Variants in ST8SIA1 observed in about 807,000 individuals in gnomAD.
ST8SIA1 encodes ST8 alpha-N-acetyl-neuraminide alpha-2,8-sialyltransferase 1.
In ST8SIA1, 16 loss-of-function variants were observed where a neutral mutation model predicts 35.9. The ratio of observed to expected loss-of-function variants is 0.45; its 90% confidence interval spans 0.30 to 0.68. The LOEUF (loss-of-function observed/expected upper bound fraction) is 0.68, where lower values mean the gene tolerates loss of function less well. Ranked by LOEUF, ST8SIA1 falls within the 30% of genes least tolerant of loss-of-function variation. ST8SIA1 has a pLI of 0.09. For missense variants in ST8SIA1, 383 were observed against 453.6 expected (o/e 0.84, Z 1.41); for synonymous variants, 170 against 169.6 (o/e 1.00, Z -0.02).
chr12:22,327,669 G>A (rs1866699401), intron 1 of ST8SIA1, among the ~76,000 whole-genome samples: 1 of 152,122 alleles, frequency 6.6e-6, no homozygotes, highest in East Asian at 1.9e-4. Context: ...GGATTAAGGG[G>A]AACATTAGTG....
At position 22,207,948 on chromosome 12, in the gene ST8SIA1, G is replaced by C. The variant is rs1452805964; in HGVS notation, c.585-5910C>G. Among the ~76,000 whole-genome samples the C allele has an allele frequency of 2.6e-5, 4 of 151,960 alleles. No homozygotes were observed. In the East Asian group the frequency reaches 7.7e-4, roughly 29 times the overall value. The stretch of plus-strand genomic sequence containing the variant: ...TCACGAGGTCAGGAGTTCGAGACCA[G>C]CCTGGCCAATATAGCGAAACCCCAT... On this transcript the variant is annotated intron_variant, in intron 4 of 4. Transcript: ENST00000396037.
chr12:22,299,305 C>T (rs974442463), intron 1 of ST8SIA1, among the ~76,000 whole-genome samples: 1 of 151,190 alleles, frequency 6.6e-6, no homozygotes, highest in Non-Finnish European at 1.5e-5. Flanking sequence ...GTAAAAAGAA[C>T]CAGGAAATAA....
rs147437761 is a variant in ST8SIA1, at chr12:22,223,839, C to T, written c.585-21801G>A. The T allele has an allele frequency of 5.5e-4, 636 of 1,155,744 alleles. 4 individuals are homozygous for T. The African/African-American group carries it at 9.8e-3, about 18-fold the overall frequency. The allele number at this position is 1,155,744 out of a possible 1,614,324, so 71.6% of individuals were successfully genotyped here. On this transcript the variant is annotated intron_variant, in intron 4 of 4. Transcript: ENST00000396037. ...ATTATATTCCCTGCAATATCCTTAA[C>T]AATAGAATGTTTCTAATTGTGCAAA...
intron 1 of ST8SIA1, chr12:22,324,510 A>G (rs1409784912): frequency 1.3e-5 from 2 of 152,206 alleles, no homozygotes; most frequent in East Asian, 3.8e-4. Flanking sequence ...GAGATGATGT[A>G]GACTGCATAT....
Position 22,334,294 on chromosome 12 carries a change from A to C in ST8SIA1, c.-62T>G. On this transcript the variant is annotated 5_prime_UTR_variant, in exon 1 of 5. Transcript: ENST00000396037. ...TCAGCACAAAGCTAGGCGAAGTGGCAGCGGAGGGTCCCCCACCGCCAGCCC... is the reference window on the plus strand; with the variant it reads ...TCAGCACAAAGCTAGGCGAAGTGGCCGCGGAGGGTCCCCCACCGCCAGCCC... 1 of 1,380,916 alleles carries C rather than the reference A, an allele frequency of 7.2e-7. No homozygotes were observed. The highest frequency in any genetic ancestry group is 1.0e-6 in the Non-Finnish European group (1 of 997,514). The allele number at this position is 1,380,916 out of a possible 1,614,324, so 85.5% of individuals were successfully genotyped here.
intron 4 of ST8SIA1, among the ~76,000 whole-genome samples, chr12:22,241,045 A>C (rs1865535166): frequency 6.7e-6 from 1 of 149,858 alleles, no homozygotes; most frequent in Admixed American, 6.7e-5. Flanking sequence ...ATCATGGCTA[A>C]CCTTAACCCT....
intron 4 of ST8SIA1, among the ~76,000 whole-genome samples, chr12:22,238,163 T>TTC (rs71444165): frequency 1.3e-5 from 2 of 151,546 alleles, no homozygotes; most frequent in Admixed American, 6.6e-5. Context: ...ACTTGAGAAC[T>TTC]CCCCCCCCAA....
At chr12:22,264,139 G>T (rs1865821108) in intron 2 of ST8SIA1, among the ~76,000 whole-genome samples, 1 of 151,788 alleles carries the variant, frequency 6.6e-6, no homozygotes, top group Admixed American at 6.6e-5. Context: ...CCTCAACTTA[G>T]GCATCTAAAT....
At chr12:22,330,337 G>T (rs1268151907) in intron 1 of ST8SIA1, among the ~76,000 whole-genome samples, 1 of 152,154 alleles carries the variant, frequency 6.6e-6, no homozygotes, top group Admixed American at 6.5e-5. Context: ...CATCATTCCA[G>T]GCGCTGTCTA....
chr12:22,246,562 C>T (rs1217055998), intron 4 of ST8SIA1, among the ~76,000 whole-genome samples: 6 of 152,114 alleles, frequency 3.9e-5, no homozygotes, highest in African/African-American at 1.4e-4. Flanking sequence ...GGGCCGGGGA[C>T]CGGTCACTGG....
chr12:22,222,371 C>G (rs537598629), intron 4 of ST8SIA1, among the ~76,000 whole-genome samples: 81 of 152,254 alleles, frequency 5.3e-4, no homozygotes, highest in Non-Finnish European at 1.0e-3. Context: ...TAACTTTTTG[C>G]TCTACTCGAG....
intron 2 of ST8SIA1, among the ~76,000 whole-genome samples, chr12:22,274,525 T>C (rs1449654399): frequency 2.0e-5 from 3 of 152,162 alleles, no homozygotes; most frequent in African/African-American, 7.2e-5. Flanking sequence ...ATAATATATG[T>C]CTTAAAAGAG....
In ST8SIA1 at chr12:22,238,888, A is replaced by G. The variant is rs1270102495; in HGVS notation, c.584+10118T>C. On this transcript the variant is annotated intron_variant, in intron 4 of 4. Coordinates refer to ENST00000396037, the MANE Select transcript of ST8SIA1 (RefSeq NM_003034.4). ...TCTTTTTCTGAGGTATATTCTTCAGATTTTCTCTCAATGAAGGATCTTTGG... is the reference window on the plus strand; with the variant it reads ...TCTTTTTCTGAGGTATATTCTTCAGGTTTTCTCTCAATGAAGGATCTTTGG... 2.0e-5 allele frequency among the ~76,000 whole-genome samples: 3 copies of G among 152,096 alleles called. No homozygotes were observed. The East Asian group carries it at 5.8e-4, about 29-fold the overall frequency.
intron 2 of ST8SIA1, among the ~76,000 whole-genome samples, chr12:22,258,401 G>T (rs1282608721): frequency 6.6e-6 from 1 of 151,930 alleles, no homozygotes; most frequent in Non-Finnish European, 1.5e-5. Flanking sequence ...GATCAGCATG[G>T]GTATTTAAAG....
chr12:22,202,389 G>T (rs975507974), intron 4 of ST8SIA1, among the ~76,000 whole-genome samples: 3 of 152,202 alleles, frequency 2.0e-5, no homozygotes, highest in Admixed American at 6.5e-5. Context: ...GGATTTTGAT[G>T]AAAGGTACTT....
intron 1 of ST8SIA1, among the ~76,000 whole-genome samples, chr12:22,317,126 A>G (rs1269671827): frequency 6.9e-6 from 1 of 145,774 alleles, no homozygotes; most frequent in Non-Finnish European, 1.5e-5. Flanking sequence ...AAAAAAAGAA[A>G]AGGAGAAACA....
chr12:22,226,080 T>C (rs1278436726), intron 4 of ST8SIA1, among the ~76,000 whole-genome samples: 3 of 152,236 alleles, frequency 2.0e-5, no homozygotes, highest in East Asian at 1.9e-4. Flanking sequence ...CTTGAATATT[T>C]GACTCTCAGC....
chr12:22,265,178 C>A (rs1206718187), intron 2 of ST8SIA1, among the ~76,000 whole-genome samples: 1 of 152,168 alleles, frequency 6.6e-6, no homozygotes, highest in Non-Finnish European at 1.5e-5. Context: ...TACTTCAGGG[C>A]AGAGGTTGAC....
chr12:22,213,852 C>G (rs1865202984), intron 4 of ST8SIA1, among the ~76,000 whole-genome samples: 1 of 151,970 alleles, frequency 6.6e-6, no homozygotes, highest in African/African-American at 2.4e-5. Context: ...GAGGGCTGAT[C>G]TTTAGCTGGG....
Sources: allele counts gnomAD v4.1 joint callset (sites outside exome capture counted in the v4.1 genomes callset), GRCh38; gene constraint gnomAD v4.1.1; transcripts MANE v1.5; gene names NCBI Gene and HGNC (gene_info 2026-07-23, HGNC 2026-07-21).